DTWD2: variants seen among roughly 807,000 people sequenced by gnomAD.
DTWD2 encodes the protein DTW motif tRNA-uridine aminocarboxypropyltransferase 2.
In DTWD2, 39 loss-of-function variants were observed where a neutral mutation model predicts 31.8. The observed-to-expected ratio is 1.22, with a 90% CI of 0.95 to 1.60. The LOEUF is 1.60. Among genes scored for constraint, DTWD2 ranks in the 40% most tolerant of loss-of-function variants. The pLI, the probability that DTWD2 is intolerant of heterozygous loss-of-function variation, is 0.00. For synonymous variants in DTWD2, 180 were observed against 142.8 expected (o/e 1.26, Z -1.86); for missense variants, 515 against 381.5 (o/e 1.35, Z -2.92).
intron 4 of DTWD2, among the ~76,000 whole-genome samples, chr5:118,858,133 A>C (rs996602798): frequency 6.6e-6 from 1 of 152,134 alleles, no homozygotes; most frequent in Admixed American, 6.5e-5. Flanking sequence ...TTGTCACACA[A>C]CAGTATTGTG....
intron 4 of DTWD2, among the ~76,000 whole-genome samples, chr5:118,888,719 C>A (rs1296610543): frequency 1.3e-5 from 2 of 152,208 alleles, no homozygotes; most frequent in African/African-American, 4.8e-5. Context: ...TACATTACCA[C>A]TAGCTATGTT....
intron 1 of DTWD2, among the ~76,000 whole-genome samples, chr5:118,963,976 G>T (rs1235138521): frequency 6.6e-6 from 1 of 152,102 alleles, no homozygotes; most frequent in Non-Finnish European, 1.5e-5. Context: ...TTGGGAGGCC[G>T]AGGCGTGTGG....
At chr5:118,898,112 G>A (rs1753121546) in intron 4 of DTWD2, among the ~76,000 whole-genome samples, 1 of 151,874 alleles carries the variant, frequency 6.6e-6, no homozygotes, top group Non-Finnish European at 1.5e-5. Context: ...TGATCCACCT[G>A]CCTTGACCTC....
At chr5:118,939,435 A>G in intron 2 of DTWD2, 145 bp from the exon 3 acceptor site, 1 of 655,440 alleles carries the variant, frequency 1.5e-6, no homozygotes. Context: ...AAAAAGAGGT[A>G]AAATTTCTCT....
In DTWD2 at chr5:118,913,244, A is replaced by C. The variant is rs376895225; in HGVS notation, c.597+15293T>G. Among the ~76,000 whole-genome samples the C allele has an allele frequency of 2.5e-4, 38 of 152,022 alleles. 1 individual carries two copies. In the East Asian group the frequency reaches 5.6e-3, roughly 22 times the overall value. ...GGACATGGCTCATTAGGGAAGGGTGAAAGTACTCCAACCTGGAGCTCCTTC... is the reference window on the plus strand; with the variant it reads ...GGACATGGCTCATTAGGGAAGGGTGCAAGTACTCCAACCTGGAGCTCCTTC... On this transcript the variant is annotated intron_variant, in intron 4 of 5. Transcript: ENST00000510708.
intron 4 of DTWD2, among the ~76,000 whole-genome samples, chr5:118,871,262 G>C (rs1202379663): frequency 1.1e-4 from 16 of 152,088 alleles, no homozygotes; most frequent in Admixed American, 1.0e-3. Context: ...CTGAAGTCTT[G>C]AACCCCTCAA....
chr5:118,864,420 T>C (rs1043462061), intron 4 of DTWD2, among the ~76,000 whole-genome samples: 1 of 150,804 alleles, frequency 6.6e-6, no homozygotes, highest in Admixed American at 6.6e-5. Flanking sequence ...TTAGGAGATA[T>C]ACCTAATGCT....
At chr5:118,862,238 GA>G (rs1344001318) in intron 4 of DTWD2, among the ~76,000 whole-genome samples, 1 of 152,204 alleles carries the variant, frequency 6.6e-6, no homozygotes. Context: ...TCCATTCGTG[GA>G]AAAACTGTCT....
intron 1 of DTWD2, among the ~76,000 whole-genome samples, chr5:118,957,607 C>A (rs1754615479): frequency 6.6e-6 from 1 of 152,028 alleles, no homozygotes; most frequent in East Asian, 1.9e-4. Context: ...AATATATATA[C>A]ACATTTGTTT....
chr5:118,870,683 G>T (rs1279076418), intron 4 of DTWD2, among the ~76,000 whole-genome samples: 1 of 152,124 alleles, frequency 6.6e-6, no homozygotes, highest in Non-Finnish European at 1.5e-5. Flanking sequence ...TCTGCTAACT[G>T]ATCAGAGTGG....
intron 1 of DTWD2, among the ~76,000 whole-genome samples, chr5:118,949,762 G>A (rs954162245): frequency 6.6e-6 from 1 of 152,176 alleles, no homozygotes; most frequent in African/African-American, 2.4e-5. Context: ...ACAAGGGGAG[G>A]ATGTGAAGGA....
At chr5:118,930,561 C>A (rs552885447) in intron 3 of DTWD2, among the ~76,000 whole-genome samples, 1 of 152,192 alleles carries the variant, frequency 6.6e-6, no homozygotes, top group East Asian at 1.9e-4. Context: ...GAAAAGTAAC[C>A]ATCTTGAAAT....
chr5:118,973,606 C>CGCCTCCTTGCTCGCGGCA (rs56377839), intron 1 of DTWD2, among the ~76,000 whole-genome samples: 8,036 of 148,496 alleles, frequency 0.054, 748 homozygotes, highest in African/African-American at 0.18. Flanking sequence ...GTTCCTCGTC[C>CGCCTCCTTGCTCGCGGCA]GCCTCCTTGC....
intron 4 of DTWD2, among the ~76,000 whole-genome samples, chr5:118,875,622 G>A (rs912523613): frequency 6.1e-5 from 9 of 147,624 alleles, no homozygotes; most frequent in African/African-American, 1.7e-4. Flanking sequence ...AGACAAAAAG[G>A]TGCATTACAT....
intron 1 of DTWD2, among the ~76,000 whole-genome samples, chr5:118,980,631 A>T (rs1353196780): frequency 6.6e-6 from 1 of 152,236 alleles, no homozygotes; most frequent in African/African-American, 2.4e-5. Context: ...GCCTCCTAAG[A>T]TGGGCATAAT....
At chr5:118,922,492 A>T (rs1450436456) in intron 4 of DTWD2, among the ~76,000 whole-genome samples, 2 of 152,222 alleles carry the variant, frequency 1.3e-5, no homozygotes, top group Non-Finnish European at 2.9e-5. Flanking sequence ...ATTGAAGCAT[A>T]GTAAGAAAAA....
rs200970715 is a variant in DTWD2 at position 118,974,767 on chromosome 5, T to TC, written c.218+13526dup. 2.5e-3 allele frequency: 975 copies of TC among 390,496 alleles called. 9 individuals are homozygous for TC. Among genetic ancestry groups the TC allele is most frequent in the African/African-American group, 0.019 (877 of 47,350 alleles). 24.2% of individuals were successfully genotyped at this position (390,496 alleles called of 1,614,324 possible). A position where few individuals can be genotyped will look rare whatever the true frequency, so the allele number is the denominator to read the frequency against. Reference sequence around the variant, plus strand: ...TTGATGTATGTGTGAAACAATGTTGTCCAACAATAAACAGGAATTTTATTT... The same window carrying TC: ...TTGATGTATGTGTGAAACAATGTTGTCCCAACAATAAACAGGAATTTTATTT... On this transcript the variant is annotated intron_variant, in intron 1 of 5. Coordinates refer to ENST00000510708, the MANE Select transcript of DTWD2 (RefSeq NM_173666.4).
chr5:118,936,468 C>T (rs1008080584), intron 3 of DTWD2, among the ~76,000 whole-genome samples: 1 of 149,664 alleles, frequency 6.7e-6, no homozygotes, highest in African/African-American at 2.5e-5. Context: ...AAGACCCTGT[C>T]TAAAAAAAAA....
At chr5:118,965,716 G>A (rs568629723) in intron 1 of DTWD2, among the ~76,000 whole-genome samples, 3 of 152,234 alleles carry the variant, frequency 2.0e-5, no homozygotes, top group African/African-American at 7.2e-5. Flanking sequence ...GATGTGCTTT[G>A]TTAAACAGAT....
Sources: gnomAD v4.1 joint callset for allele counts (sites outside exome capture counted in the v4.1 genomes callset) on GRCh38, gnomAD v4.1.1 for gene constraint, MANE v1.5 for transcripts, NCBI Gene and HGNC (gene_info 2026-07-23, HGNC 2026-07-21) for gene names.